Variants in ADGRL3 observed in about 807,000 individuals in gnomAD.
ADGRL3 encodes the protein calcium-independent alpha-latrotoxin receptor 3.
In ADGRL3, 62 loss-of-function variants were observed where a neutral mutation model predicts 153.5. The observed-to-expected ratio is 0.40, with a 90% CI of 0.33 to 0.50. The LOEUF (loss-of-function observed/expected upper bound fraction) is 0.50, where lower values mean the gene tolerates loss of function less well. ADGRL3 is among the 20% of genes least tolerant of loss of function. The pLI is 0.47. For synonymous variants in ADGRL3, 710 were observed against 672.5 expected, an observed-to-expected ratio of 1.06 and a Z score of -0.86; for missense variants, 1,641 against 1,859.4, an observed-to-expected ratio of 0.88 and a Z score of 2.16.
chr4:61,295,035 T>G (rs1462661603), intron 1 of ADGRL3, among the ~76,000 whole-genome samples: 1 of 152,030 alleles, frequency 6.6e-6, no homozygotes, highest in South Asian at 2.1e-4. Flanking sequence ...AAATAAACAA[T>G]TCATATGTTT....
intron 25 of ADGRL3, chr4:62,063,672 C>A: frequency 3.1e-6 from 2 of 636,924 alleles, no homozygotes; most frequent in African/African-American, 1.8e-5. Flanking sequence ...AAGTGAGAGT[C>A]CCATTTTATG....
At chr4:61,509,789 G>A (rs931256447) in intron 3 of ADGRL3, among the ~76,000 whole-genome samples, 2 of 152,114 alleles carry the variant, frequency 1.3e-5, no homozygotes, top group African/African-American at 4.8e-5. Flanking sequence ...ACCCAATAAT[G>A]GGAATACTGG....
At chr4:62,029,766 C>G (rs1434468932) in intron 22 of ADGRL3, among the ~76,000 whole-genome samples, 1 of 150,794 alleles carries the variant, frequency 6.6e-6, no homozygotes, top group Non-Finnish European at 1.5e-5. Context: ...ACCCTTGGGC[C>G]CATCATGTGT....
rs966583463 is a variant in ADGRL3, at chr4:61,517,529, C to T, written c.259+11C>T. On this transcript the variant is annotated intron_variant, in intron 4 of 26. Transcript: ENST00000683033. The stretch of plus-strand genomic sequence containing the variant: ...AGATTGCAGCGCAAGGTGCGGCCAG[C>T]GGTGGGGAGAGAGGGCTGGGGGTGG... 1.4e-6 allele frequency: 1 copy of T among 701,034 alleles called. No homozygotes were observed. 43.4% of individuals were successfully genotyped at this position (701,034 alleles called of 1,614,324 possible).
chr4:61,769,127 G>T (rs577741207), intron 8 of ADGRL3, among the ~76,000 whole-genome samples: 59 of 152,200 alleles, frequency 3.9e-4, no homozygotes, highest in African/African-American at 1.4e-3. Context: ...TCCCTGCGTG[G>T]TCTGACACCC....
intron 1 of ADGRL3, among the ~76,000 whole-genome samples, chr4:61,353,684 T>C: frequency 6.9e-6 from 1 of 145,982 alleles, no homozygotes; most frequent in African/African-American, 2.5e-5. Context: ...CAAGTGATCC[T>C]CCTGCCTTGA....
At chr4:61,912,484 A>T (rs1400541365) in intron 12 of ADGRL3, among the ~76,000 whole-genome samples, 1 of 152,174 alleles carries the variant, frequency 6.6e-6, no homozygotes, top group Admixed American at 6.6e-5. Flanking sequence ...TATCATTAAC[A>T]ACTTTATACC....
intron 2 of ADGRL3, among the ~76,000 whole-genome samples, chr4:61,451,786 T>C (rs1030836131): frequency 2.4e-4 from 37 of 152,338 alleles, no homozygotes; most frequent in African/African-American, 7.7e-4. Flanking sequence ...TTTTGATATA[T>C]TCTGGTTACT....
chr4:61,738,383 C>T (rs948118099), intron 8 of ADGRL3, among the ~76,000 whole-genome samples: 12 of 152,250 alleles, frequency 7.9e-5, no homozygotes, highest in Admixed American at 5.2e-4. Flanking sequence ...TGTAAACATA[C>T]GTGTGCAAGT....
intron 1 of ADGRL3, among the ~76,000 whole-genome samples, chr4:61,227,664 A>G (rs1467566204): frequency 6.6e-6 from 1 of 152,154 alleles, no homozygotes. Flanking sequence ...CCCACATTCA[A>G]ATGTAGGGCT....
At chr4:61,902,634 T>C (rs2098670844) in intron 11 of ADGRL3, among the ~76,000 whole-genome samples, 1 of 152,124 alleles carries the variant, frequency 6.6e-6, no homozygotes, top group African/African-American at 2.4e-5. Context: ...TGGTGCCCTT[T>C]GTGCAGTTTC....
intron 5 of ADGRL3, among the ~76,000 whole-genome samples, chr4:61,640,749 T>C (rs1195097366): frequency 6.6e-6 from 1 of 152,198 alleles, no homozygotes; most frequent in Non-Finnish European, 1.5e-5. Flanking sequence ...TTTAGTTTCT[T>C]ACATATGGTA....
chr4:61,870,492 A>G (rs548339264), intron 9 of ADGRL3, among the ~76,000 whole-genome samples: 57 of 152,324 alleles, frequency 3.7e-4, no homozygotes, highest in African/African-American at 1.3e-3. Context: ...TGCTTAAAAG[A>G]CACTGGCACG....
chr4:61,995,576 C>T (rs2099118863), intron 19 of ADGRL3, among the ~76,000 whole-genome samples: 1 of 152,140 alleles, frequency 6.6e-6, no homozygotes, highest in African/African-American at 2.4e-5. Flanking sequence ...TAATCTTTCT[C>T]ATAACTAGTC....
At chr4:61,758,231 T>C (rs1157782077) in intron 8 of ADGRL3, among the ~76,000 whole-genome samples, 1 of 152,072 alleles carries the variant, frequency 6.6e-6, no homozygotes, top group African/African-American at 2.4e-5. Context: ...GTTCAATTCC[T>C]GGATATCCCT....
chr4:61,947,116 T>C lies in ADGRL3; in HGVS notation c.2622T>C (p.His874=), dbSNP rs748916779. The C allele has an allele frequency of 3.1e-6, 5 of 1,612,346 alleles. No homozygotes were observed. The highest frequency in any genetic ancestry group is 3.3e-4 in the Middle Eastern group (2 of 6,074). Residue 874 remains histidine, a synonymous_variant, in exon 16 of 27, where the codon CAT becomes CAC. Transcript: ENST00000683033. ...ATCCTGTGGTATTTACTGTTAAACA[T>C]ATCAAGGTAAGAAAATGGCATATTA... The part of the protein sequence containing the change: ...LADPVVFTVK[H]IKQSEENFNP...
chr4:61,895,035 A>G (rs937031801), intron 10 of ADGRL3, among the ~76,000 whole-genome samples: 2 of 152,192 alleles, frequency 1.3e-5, no homozygotes, highest in Admixed American at 6.5e-5. Flanking sequence ...TCCACCTGGA[A>G]TATCCTTTTC....
intron 11 of ADGRL3, among the ~76,000 whole-genome samples, chr4:61,898,622 C>CT (rs1346233783): frequency 0.017 from 2,383 of 142,324 alleles, 43 homozygotes; most frequent in African/African-American, 0.049. Context: ...TCACCCTAAT[C>CT]TTTTTTTTTT....
rs139113685 is a variant in ADGRL3, at chr4:61,818,723, T to C, written c.1480+4834T>C. Among the ~76,000 whole-genome samples the C allele has an allele frequency of 7.8e-3, 1,189 of 152,220 alleles. 13 individuals are homozygous for C. The highest frequency in any genetic ancestry group is 0.024 in the African/African-American group (1,011 of 41,538). ...TGTGCTCTCTACCTTAAAATGGTTG[T>C]CCTGATAGATTCTACTTCTTATTCG... On this transcript the variant is annotated intron_variant, in intron 9 of 26. Coordinates refer to ENST00000683033, the MANE Select transcript of ADGRL3 (RefSeq NM_001387552.1).
Sources: gnomAD v4.1 joint callset for allele counts (sites outside exome capture counted in the v4.1 genomes callset) on GRCh38, gnomAD v4.1.1 for gene constraint, MANE v1.5 for transcripts, NCBI Gene and HGNC (gene_info 2026-07-23, HGNC 2026-07-21) for gene names.